The following LRP2 variants were observed in gnomAD, a reference collection of about 807,000 sequenced individuals.
LRP2 encodes the protein LDL receptor related protein 2.
In LRP2, 172 loss-of-function variants were observed where a neutral mutation model predicts 531.0. The observed-to-expected ratio is 0.32, with a 90% CI of 0.29 to 0.37. LRP2 has a LOEUF of 0.37. LRP2 is among the 10% of genes least tolerant of loss of function. The pLI is 1.00. For missense variants in LRP2, 5,167 were observed against 5,868.3 expected (o/e 0.88, Z 3.90); for synonymous variants, 1,992 against 2,027.6 (o/e 0.98, Z 0.47).
rs1238498278 is a variant in LRP2, at chr2:169,241,443, G to A, written c.3668-78C>T. The A allele has an allele frequency of 1.3e-5, 20 of 1,517,542 alleles. No individual in the cohort carries two copies. The East Asian group carries it at 3.1e-4, about 24-fold the overall frequency. 94.0% of individuals were successfully genotyped at this position (1,517,542 alleles called of 1,614,324 possible). ...TTTATAGTCTAGACTCAGAGGAAAT[G>A]ATTTTGGATCCAATAGTAGGTTTAT... On this transcript the variant is annotated intron_variant, in intron 24 of 78. Coordinates refer to ENST00000649046, the MANE Select transcript of LRP2 (RefSeq NM_004525.3).
chr2:169,139,666 A>G, intron 72 of LRP2, 56 bp from the exon 73 acceptor site: 1 of 1,482,218 alleles, frequency 6.7e-7, no homozygotes. Flanking sequence ...CTTCTACTGC[A>G]TTTTTCTGAG....
rs117709680 is a variant in LRP2, at chr2:169,348,877, G to A, written c.79+13444C>T. ...ACAGCGTTGCTAAGCCACTTGCTTTGATAGAGACAGCAATTTTCCTTTTTC... is the reference window on the plus strand; with the variant it reads ...ACAGCGTTGCTAAGCCACTTGCTTTAATAGAGACAGCAATTTTCCTTTTTC... On this transcript the variant is annotated intron_variant, in intron 1 of 78. Transcript: ENST00000649046. 1.3e-4 allele frequency among the ~76,000 whole-genome samples: 20 copies of A among 152,272 alleles called. 1 individual carries two copies. The East Asian group carries it at 3.9e-3, about 29-fold the overall frequency.
At position 169,247,021 on chromosome 2, in the gene LRP2, T is replaced by C. The variant is rs368219693; in HGVS notation, c.2909-35A>G. The C allele has an allele frequency of 2.5e-6, 4 of 1,611,210 alleles. No homozygotes were observed. In the African/African-American group the frequency reaches 4.0e-5, roughly 16 times the overall value. ...CAAAGCCCCGAGGGAGTCAGTCATG[T>C]ACATTTTCACTAGGTAGGTCACGGG... is the stretch of plus-strand genomic sequence containing the variant. On this transcript the variant is annotated intron_variant, in intron 20 of 78. Transcript: ENST00000649046.
chr2:169,279,687 G>T, intron 11 of LRP2, 92 bp from the exon 12 acceptor site: 2 of 736,650 alleles, frequency 2.7e-6, no homozygotes, highest in Non-Finnish European at 2.3e-6. Flanking sequence ...AATCAGAAGT[G>T]CTAAAAATCT....
chr2:169,137,966 C>T (rs181017216), intron 75 of LRP2, among the ~76,000 whole-genome samples: 76 of 152,268 alleles, frequency 5.0e-4, no homozygotes, highest in Non-Finnish European at 8.5e-4. Flanking sequence ...ATACTGATTA[C>T]AGAAAGCCCC....
intron 76 of LRP2, among the ~76,000 whole-genome samples, 196 bp from the exon 77 acceptor site, chr2:169,132,877 A>G (rs1039478301): frequency 4.6e-5 from 7 of 152,182 alleles, no homozygotes; most frequent in Non-Finnish European, 1.0e-4. Context: ...CAAGAGCAGC[A>G]ACCACTAAGT....
At chr2:169,360,558 A>G (rs1686121611) in intron 1 of LRP2, among the ~76,000 whole-genome samples, 1 of 152,238 alleles carries the variant, frequency 6.6e-6, no homozygotes, top group African/African-American at 2.4e-5. Context: ...GTACAAGGAC[A>G]TAGATGAATC....
At chr2:169,302,641 T>C (rs1159627647) in intron 4 of LRP2, among the ~76,000 whole-genome samples, 1 of 152,018 alleles carries the variant, frequency 6.6e-6, no homozygotes, top group African/African-American at 2.4e-5. Context: ...GTCTAGCTAC[T>C]AATTGCCAAG....
intron 31 of LRP2, among the ~76,000 whole-genome samples, chr2:169,230,814 T>G (rs1689370132): frequency 6.6e-6 from 1 of 152,208 alleles, no homozygotes; most frequent in Non-Finnish European, 1.5e-5. Context: ...CTCCACACAC[T>G]CTTCAATCGA....
In LRP2 at chr2:169,225,251, C is replaced by A. The variant is rs554263989; in HGVS notation, c.5538+59G>T. 13 of 1,547,462 alleles carry A rather than the reference C, an allele frequency of 8.4e-6. No individual in the cohort carries two copies. The African/African-American group carries it at 1.5e-4, about 18-fold the overall frequency. On this transcript the variant is annotated intron_variant, in intron 33 of 78. Transcript: ENST00000649046. The stretch of plus-strand genomic sequence containing the variant: ...ATCCACGTGAGATCTATTCCTGAGA[C>A]TAGAGTTTACATCAATCTAAATCCA...
chr2:169,143,374 G>A (rs1171434187), intron 70 of LRP2, among the ~76,000 whole-genome samples: 1 of 152,168 alleles, frequency 6.6e-6, no homozygotes, highest in East Asian at 1.9e-4. Flanking sequence ...CAGGCGCGGT[G>A]GCTCACACCT....
chr2:169,350,661 T>C (rs1313762559), intron 1 of LRP2, among the ~76,000 whole-genome samples: 1 of 141,958 alleles, frequency 7.0e-6, no homozygotes, highest in Non-Finnish European at 1.5e-5. Context: ...GAGGCAGAGG[T>C]TGCAGTGAGC....
At position 169,182,233 on chromosome 2, in the gene LRP2, C is replaced by T. The variant is rs760913710; in HGVS notation, c.9932G>A (p.Cys3311Tyr). The T allele has an allele frequency of 8.1e-6, 13 of 1,614,110 alleles. No individual in the cohort carries two copies. Among genetic ancestry groups the T allele is most frequent in the Non-Finnish European group, 1.1e-5 (13 of 1,179,992 alleles). The part of the protein sequence containing the change: ...GGHRRMLAQH[C>Y]VDANNTFCFD... ...GCAGAAGGTGTTGTTGGCATCCACACAGTGCTGGGCCAGCATGCGGCGGTG... is the reference window on the plus strand; with the variant it reads ...GCAGAAGGTGTTGTTGGCATCCACATAGTGCTGGGCCAGCATGCGGCGGTG... Residue 3311 changes from cysteine to tyrosine, a missense_variant, in exon 51 of 79, where the codon TGT becomes TAT. Cys to Tyr is a radical substitution (Grantham distance 194). This residue lies in a region of LRP2 where 1,129 missense variants were observed against 1,362.7 expected (regional missense o/e 0.83). Coordinates refer to ENST00000649046, the MANE Select transcript of LRP2 (RefSeq NM_004525.3).
intron 5 of LRP2, 30 bp downstream of exon 5, chr2:169,294,570 A>G (rs771301933): frequency 6.7e-7 from 1 of 1,488,352 alleles, no homozygotes; most frequent in Non-Finnish European, 9.4e-7. Flanking sequence ...GCTTCAGCAC[A>G]CAACTGCACA....
intron 49 of LRP2, 98 bp downstream of exon 49, chr2:169,187,872 T>A: frequency 7.9e-7 from 1 of 1,272,592 alleles, no homozygotes; most frequent in Non-Finnish European, 1.1e-6. Context: ...GGTAACTTTG[T>A]AGTTAGAGGA....
At chr2:169,194,135 C>T (rs781521787) in intron 46 of LRP2, among the ~76,000 whole-genome samples, 15 of 152,154 alleles carry the variant, frequency 9.9e-5, no homozygotes, top group Admixed American at 2.0e-4. Context: ...ACAATATTCC[C>T]TTATGTGTAT....
chr2:169,150,763 A>G (rs1267006342), intron 68 of LRP2, 135 bp downstream of exon 68: 12 of 940,168 alleles, frequency 1.3e-5, no homozygotes, highest in Middle Eastern at 3.2e-4. Flanking sequence ...TTCTTGAAAC[A>G]GTCATAGACG....
In LRP2 at chr2:169,310,414, C is replaced by T. The variant is rs1484777900; in HGVS notation, c.311-3017G>A. Reference sequence around the variant, plus strand: ...TATTGAGAGTTTTTAGCATGAAGGGCTGTTGAATTTTGTCAAAGGCCTTTT... The same window carrying T: ...TATTGAGAGTTTTTAGCATGAAGGGTTGTTGAATTTTGTCAAAGGCCTTTT... On this transcript the variant is annotated intron_variant, in intron 3 of 78. Coordinates refer to ENST00000649046, the MANE Select transcript of LRP2 (RefSeq NM_004525.3). Among the ~76,000 whole-genome samples the T allele has an allele frequency of 3.9e-5, 6 of 152,114 alleles. No homozygotes were observed. In the South Asian group the frequency reaches 6.2e-4, roughly 16 times the overall value.
intron 77 of LRP2, among the ~76,000 whole-genome samples, chr2:169,132,367 T>A (rs1015050620): frequency 6.6e-6 from 1 of 152,244 alleles, no homozygotes; most frequent in African/African-American, 2.4e-5. Flanking sequence ...GGAACATTAT[T>A]CCCAACTCGA....
Sources: allele counts gnomAD v4.1 joint callset (sites outside exome capture counted in the v4.1 genomes callset), GRCh38; gene constraint gnomAD v4.1.1; regional missense constraint gnomAD v4.1.1; transcripts MANE v1.5; gene names NCBI Gene and HGNC (gene_info 2026-07-23, HGNC 2026-07-21).